Variants in SDK2 observed in about 807,000 individuals in gnomAD.
SDK2 encodes the protein sidekick cell adhesion molecule 2, also known as protein sidekick-2.
A neutral mutation model predicts 253.9 loss-of-function variants in SDK2; 105 were observed. The observed-to-expected ratio is 0.41, with a 90% confidence interval of 0.35 to 0.49. The LOEUF (loss-of-function observed/expected upper bound fraction) is 0.49, where lower values mean the gene tolerates loss of function less well. SDK2 is among the 20% of genes least tolerant of loss of function. The probability of loss-of-function intolerance (pLI) is 0.06; values close to 1 mark genes in which losing one functional copy is unlikely to be tolerated. For synonymous variants in SDK2, 1,249 were observed against 1,234.9 expected, an observed-to-expected ratio of 1.01 and a Z score of -0.24; for missense variants, 2,608 against 3,003.0, an observed-to-expected ratio of 0.87 and a Z score of 3.07.
At chr17:73,545,099 G>GCACACACACACACACACA (rs58966207) in intron 1 of SDK2, among the ~76,000 whole-genome samples, 3,320 of 145,732 alleles carry the variant, frequency 0.023, 69 homozygotes, top group African/African-American at 0.054. Context: ...GCACGTGCAC[G>GCACACACACACACACACA]CACACACACA....
At chr17:73,523,617 T>C (rs2064101904) in intron 1 of SDK2, among the ~76,000 whole-genome samples, 1 of 152,092 alleles carries the variant, frequency 6.6e-6, no homozygotes. Context: ...AGGATGGGAC[T>C]TCCCTTACAG....
intron 44 of SDK2, among the ~76,000 whole-genome samples, chr17:73,341,230 C>CTTTT (rs11347151): frequency 1.0e-3 from 121 of 120,290 alleles, no homozygotes; most frequent in Middle Eastern, 4.2e-3. Context: ...TTATTCCTGA[C>CTTTT]TTTTTTTTTT....
chr17:73,488,758 T>C (rs2063785457), intron 2 of SDK2, among the ~76,000 whole-genome samples: 1 of 152,250 alleles, frequency 6.6e-6, no homozygotes, highest in African/African-American at 2.4e-5. Context: ...AACCATTTAA[T>C]ATGTGTAAAA....
At chr17:73,439,857 G>A (rs985602235) in intron 6 of SDK2, among the ~76,000 whole-genome samples, 3 of 152,202 alleles carry the variant, frequency 2.0e-5, no homozygotes, top group Admixed American at 6.5e-5. Flanking sequence ...GCTGGGTGAC[G>A]TTGGGCAGGC....
chr17:73,421,573 C>CTTTTTTT (rs36068491), intron 15 of SDK2, among the ~76,000 whole-genome samples: 9 of 90,784 alleles, frequency 9.9e-5, no homozygotes, highest in Non-Finnish European at 1.8e-4. Flanking sequence ...CAATTTCCAT[C>CTTTTTTT]TTTTTTTTTT....
chr17:73,420,077 T>A (rs966977570), intron 15 of SDK2, among the ~76,000 whole-genome samples: 1 of 152,162 alleles, frequency 6.6e-6, no homozygotes, highest in Admixed American at 6.5e-5. Flanking sequence ...GCTGGCCAGC[T>A]GAGCCCCAGG....
chr17:73,535,424 A>G (rs2044757538), intron 1 of SDK2, among the ~76,000 whole-genome samples: 1 of 152,216 alleles, frequency 6.6e-6, no homozygotes, highest in Admixed American at 6.5e-5. Flanking sequence ...ACTGGTGTGC[A>G]TCTGCTGGGT....
Position 73,415,010 on chromosome 17 carries a change from G to C in SDK2, c.2369-251C>G, listed in dbSNP as rs542587286. Among the ~76,000 whole-genome samples the C allele has an allele frequency of 4.6e-5, 7 of 152,328 alleles. No homozygotes were observed. In the South Asian group the frequency reaches 1.4e-3, roughly 32 times the overall value. ...AATAAGAGGGGTGCGGATGAAAAAT[G>C]CTCTGGCATGGTTTTCAGGTGGAAT... On this transcript the variant is annotated intron_variant, in intron 17 of 44. Transcript: ENST00000392650.
At chr17:73,482,950 C>A (rs2063735822) in intron 2 of SDK2, among the ~76,000 whole-genome samples, 1 of 152,186 alleles carries the variant, frequency 6.6e-6, no homozygotes, top group Non-Finnish European at 1.5e-5. Flanking sequence ...GGGGAAGGGA[C>A]TCCTCTTCCC....
chr17:73,479,074 T>C (rs890761254), intron 2 of SDK2, among the ~76,000 whole-genome samples: 1 of 152,276 alleles, frequency 6.6e-6, no homozygotes, highest in African/African-American at 2.4e-5. Context: ...CATACATTTG[T>C]GCACACACAT....
intron 1 of SDK2, among the ~76,000 whole-genome samples, chr17:73,549,053 G>C (rs904426920): frequency 6.6e-6 from 1 of 152,232 alleles, no homozygotes; most frequent in African/African-American, 2.4e-5. Flanking sequence ...CAGCCTTCCC[G>C]TTGTTGGCCG....
intron 5 of SDK2, among the ~76,000 whole-genome samples, chr17:73,442,986 G>A (rs139507379): frequency 6.6e-6 from 1 of 152,034 alleles, no homozygotes; most frequent in African/African-American, 2.4e-5. Flanking sequence ...TTCTGTGTAT[G>A]CCTGATCCAT....
chr17:73,395,475 C>A lies in SDK2; in HGVS notation c.3355-83G>T. 4.4e-6 allele frequency: 5 copies of A among 1,142,332 alleles called. No individual in the cohort carries two copies. The highest frequency in any genetic ancestry group is 6.4e-6 in the Non-Finnish European group (5 of 779,024). 70.8% of individuals were successfully genotyped at this position (1,142,332 alleles called of 1,614,324 possible). On this transcript the variant is annotated intron_variant, in intron 24 of 44. Transcript: ENST00000392650. This position sits in a 1 kb window ranked among gnomAD's most constrained non-coding sequence, Gnocchi z 4.3. ...AGGAACTGCCCTGCTACCCTCTCCT[C>A]CAGGGCGCCTTCAGGGCTATCCATC...
chr17:73,380,339 C>G (rs2062820207), intron 34 of SDK2, among the ~76,000 whole-genome samples: 1 of 152,160 alleles, frequency 6.6e-6, no homozygotes, highest in East Asian at 1.9e-4. Flanking sequence ...GCACGAAACC[C>G]TCTTGCCTAA....
intron 5 of SDK2, among the ~76,000 whole-genome samples, chr17:73,445,181 T>C (rs1173863024): frequency 6.6e-6 from 1 of 152,208 alleles, no homozygotes; most frequent in East Asian, 1.9e-4. Flanking sequence ...TTCAAAGACT[T>C]AGTATGCAAA....
At position 73,367,692 on chromosome 17, in the gene SDK2, C is replaced by G. The variant is rs550269864; in HGVS notation, c.5167+715G>C. Among the ~76,000 whole-genome samples the G allele has an allele frequency of 2.6e-5, 4 of 151,490 alleles. No individual in the cohort carries two copies. The South Asian group carries it at 8.4e-4, about 32-fold the overall frequency. ...TAATTTTTTATATTTTTAGTAGAGA[C>G]AGGGTGTCACCATGTTGGCCAGGCT... is the stretch of plus-strand genomic sequence containing the variant. On this transcript the variant is annotated intron_variant, in intron 37 of 44. Transcript: ENST00000392650.
At chr17:73,370,433 G>A (rs2062724846) in intron 36 of SDK2, among the ~76,000 whole-genome samples, 1 of 151,966 alleles carries the variant, frequency 6.6e-6, no homozygotes, top group Admixed American at 6.6e-5. Context: ...TGTAGAGACG[G>A]GGTCTTGCCA....
At position 73,336,456 on chromosome 17, in the gene SDK2, G is replaced by A. The variant is rs1163748394; in HGVS notation, c.*2131C>T. 6.6e-6 allele frequency: 1 copy of A among 152,370 alleles called. No individual in the cohort carries two copies. The highest frequency in any genetic ancestry group is 1.5e-5 in the Non-Finnish European group (1 of 68,052). 9.4% of individuals were successfully genotyped at this position (152,370 alleles called of 1,614,324 possible). A position where few individuals can be genotyped will look rare whatever the true frequency, so the allele number is the denominator to read the frequency against. On this transcript the variant is annotated 3_prime_UTR_variant, in exon 45 of 45. Coordinates refer to ENST00000392650, the MANE Select transcript of SDK2 (RefSeq NM_001144952.2). ...GCTTCCCTTCCCAGGCCTCCTTATT[G>A]GAGAAACCGCTTTTTGGACACTGGA...
chr17:73,382,327 G>A (rs2062837802), intron 33 of SDK2, among the ~76,000 whole-genome samples: 2 of 152,096 alleles, frequency 1.3e-5, no homozygotes, highest in African/African-American at 4.8e-5. Flanking sequence ...GGGTACCCCT[G>A]CCTGCTGCCG....
Sources: gnomAD v4.1 joint callset for allele counts (sites outside exome capture counted in the v4.1 genomes callset) on GRCh38, gnomAD v4.1.1 for gene constraint, Gnocchi (gnomAD v3.1) non-coding constraint, MANE v1.5 for transcripts, NCBI Gene and HGNC (gene_info 2026-07-23, HGNC 2026-07-21) for gene names.